The following SLC30A6 variants were observed in gnomAD, a reference collection of about 807,000 sequenced individuals.
The protein encoded by SLC30A6 is solute carrier family 30 member 6.
Under a neutral mutation model 63.0 loss-of-function variants are expected in SLC30A6, and 55 were observed. That is an observed-to-expected ratio of 0.87 (90% confidence interval 0.70 to 1.09). The LOEUF (loss-of-function observed/expected upper bound fraction) is 1.09, where lower values mean the gene tolerates loss of function less well. Ranked by LOEUF, SLC30A6 falls within the 50% of genes least tolerant of loss-of-function variation. The pLI is 0.00. For missense variants in SLC30A6, 587 were observed against 549.2 expected, an observed-to-expected ratio of 1.07 and a Z score of -0.69; for synonymous variants, 224 against 186.1, an observed-to-expected ratio of 1.20 and a Z score of -1.66.
chr2:32,175,409 G>T (rs1228816596), intron 4 of SLC30A6, 48 bp downstream of exon 4: 1 of 1,535,288 alleles, frequency 6.5e-7, no homozygotes, highest in Non-Finnish European at 8.9e-7. Flanking sequence ...AAGGAACTTG[G>T]TAGAAATGTG....
chr2:32,212,390 C>G (rs997780059), intron 13 of SLC30A6, among the ~76,000 whole-genome samples: 1 of 151,784 alleles, frequency 6.6e-6, no homozygotes, highest in African/African-American at 2.4e-5. Context: ...TCTTACATAA[C>G]TTTGTGTGGG....
At chr2:32,190,563 G>A (rs1683239565) in intron 5 of SLC30A6, among the ~76,000 whole-genome samples, 1 of 151,948 alleles carries the variant, frequency 6.6e-6, no homozygotes, top group Non-Finnish European at 1.5e-5. Context: ...AAGACACTTT[G>A]TTCTGTTATC....
At chr2:32,171,925 C>G (rs537862299) in intron 2 of SLC30A6, among the ~76,000 whole-genome samples, 18 of 152,148 alleles carry the variant, frequency 1.2e-4, no homozygotes, top group Non-Finnish European at 1.5e-5. Flanking sequence ...AACTCCCGAC[C>G]TCAGGTGATC....
At chr2:32,210,319 T>C (rs897486670) in intron 13 of SLC30A6, among the ~76,000 whole-genome samples, 29 of 152,030 alleles carry the variant, frequency 1.9e-4, no homozygotes, top group African/African-American at 6.8e-4. Flanking sequence ...TGAGACCAAC[T>C]TGGCTAACAT....
At chr2:32,180,941 AGCTATCGCTAC>A in intron 4 of SLC30A6, among the ~76,000 whole-genome samples, 1 of 152,234 alleles carries the variant, frequency 6.6e-6, no homozygotes, top group African/African-American at 2.4e-5. Context: ...CATATGAGTT[AGCTATCGCTAC>A]ATAACGTTTC....
Position 32,204,589 on chromosome 2 carries a change from G to T in SLC30A6, c.666-1G>T. On this transcript the variant is annotated splice_acceptor_variant, in intron 10 of 13. Transcript: ENST00000282587. LOFTEE classifies it high-confidence loss of function. ...AATTTAGAATTGTTTTTTCCTTTTA[G>T]TAATTATTTTGCCGTAGACACTGCC... 6.2e-7 allele frequency: 1 copy of T among 1,603,676 alleles called. No individual in the cohort carries two copies. The highest frequency in any genetic ancestry group is 8.5e-7 in the Non-Finnish European group (1 of 1,172,564).
rs572401218 is a variant in SLC30A6 at position 32,195,701 on chromosome 2, T to TA, written c.497-1643_497-1642insA. 2.3e-3 allele frequency among the ~76,000 whole-genome samples: 349 copies of TA among 149,090 alleles called. 1 individual carries two copies. The highest frequency in any genetic ancestry group is 7.6e-3 in the African/African-American group (313 of 41,058). On this transcript the variant is annotated intron_variant, in intron 8 of 13. Coordinates refer to ENST00000282587, the MANE Select transcript of SLC30A6 (RefSeq NM_017964.5). ...ATATTTTTATTATATTATATTATAT[T>TA]TATTTATTTATTTATTTTTTAATAG...
At chr2:32,192,975 A>C in intron 7 of SLC30A6, 22 bp downstream of exon 7, 3 of 1,405,136 alleles carry the variant, frequency 2.1e-6, no homozygotes, top group Non-Finnish European at 2.9e-6. Context: ...TTTTCAATAT[A>C]TAATTTACTA....
intron 10 of SLC30A6, chr2:32,201,656 G>T (rs1479603258): frequency 2.6e-6 from 4 of 1,511,424 alleles, no homozygotes; most frequent in Non-Finnish European, 3.6e-6. Flanking sequence ...CCTTGGAGGA[G>T]TCCGAGAGCC....
At chr2:32,209,929 T>TA (rs1032626187) in intron 13 of SLC30A6, among the ~76,000 whole-genome samples, 3 of 152,222 alleles carry the variant, frequency 2.0e-5, no homozygotes, top group Non-Finnish European at 2.9e-5. Flanking sequence ...AAGAAAATGT[T>TA]AAAAAAAATT....
At chr2:32,183,405 G>A (rs1682516284) in intron 4 of SLC30A6, among the ~76,000 whole-genome samples, 1 of 152,060 alleles carries the variant, frequency 6.6e-6, no homozygotes, top group African/African-American at 2.4e-5. Context: ...TTTCGGCCAG[G>A]CGCGGTGGCT....
chr2:32,189,394 C>T (rs1206259577), intron 5 of SLC30A6, among the ~76,000 whole-genome samples: 1 of 150,338 alleles, frequency 6.7e-6, no homozygotes, highest in Non-Finnish European at 1.5e-5. Flanking sequence ...CGGATTTAAG[C>T]GATTCTTGTG....
chr2:32,220,373 A>G lies in SLC30A6; in HGVS notation c.1046A>G (p.Asn349Ser), dbSNP rs746794566. 15 of 1,614,206 alleles carry G rather than the reference A, an allele frequency of 9.3e-6. No individual in the cohort carries two copies. Among genetic ancestry groups the G allele is most frequent in the Middle Eastern group, 1.6e-4 (1 of 6,062 alleles). The change falls in exon 14 of 14, where the codon AAT becomes AGT. Residue 349 changes from asparagine (N) to serine (S), a missense_variant. By Grantham distance (46) the Asn-to-Ser change is conservative (BLOSUM62 1). Coordinates refer to ENST00000282587, the MANE Select transcript of SLC30A6 (RefSeq NM_017964.5). Reference protein sequence around the residue: ...PALLSGPVAANVLNFSDHHVI... With the variant: ...PALLSGPVAASVLNFSDHHVI... The stretch of plus-strand genomic sequence containing the variant: ...TTATTGTCTGGGCCTGTTGCAGCCA[A>G]TGTCCTAAACTTTTCAGATCATCAC...
Position 32,193,878 on chromosome 2 carries a change from G to A in SLC30A6, c.402-11G>A. 6.2e-7 allele frequency: 1 copy of A among 1,603,444 alleles called. No individual in the cohort carries two copies. The highest frequency in any genetic ancestry group is 8.5e-7 in the Non-Finnish European group (1 of 1,171,340). ...CAAATTAAAGGTGAATGTTATCGTT[G>A]TTCTTTTTAGGGGAAGATTATTAGT... On this transcript the variant is annotated splice_polypyrimidine_tract_variant and intron_variant, in intron 7 of 13. Coordinates refer to ENST00000282587, the MANE Select transcript of SLC30A6 (RefSeq NM_017964.5).
Position 32,193,988 on chromosome 2 carries a change from G to GT in SLC30A6, c.496+11dup, listed in dbSNP as rs1558399862. On this transcript the variant is annotated splice_donor_region_variant and intron_variant, in intron 8 of 13. Transcript: ENST00000282587. ...CTTTTGCTTATGTCTCAGAAGGTAT[G>GT]TTTTTTATTTACTATTAATTTAAAA... 3.1e-6 allele frequency: 5 copies of GT among 1,601,428 alleles called. No individual in the cohort carries two copies. Among genetic ancestry groups the GT allele is most frequent in the Middle Eastern group, 1.7e-4 (1 of 6,000 alleles).
chr2:32,202,950 G>C (rs1373515989), intron 10 of SLC30A6: 8 of 1,139,610 alleles, frequency 7.0e-6, no homozygotes, highest in Non-Finnish European at 4.0e-6. Context: ...TGTCCTTCAA[G>C]TCTACAGTGG....
chr2:32,216,330 G>A (rs1006011506), intron 13 of SLC30A6, among the ~76,000 whole-genome samples: 24 of 152,250 alleles, frequency 1.6e-4, no homozygotes, highest in African/African-American at 5.5e-4. Flanking sequence ...GAGGTCAGGA[G>A]TTCAAGACCA....
intron 13 of SLC30A6, among the ~76,000 whole-genome samples, chr2:32,214,729 A>C (rs559502219): frequency 6.6e-6 from 1 of 152,342 alleles, no homozygotes; most frequent in African/African-American, 2.4e-5. Context: ...TTAATATCAC[A>C]AAAGCCATAG....
At chr2:32,189,723 C>T (rs1683162431) in intron 5 of SLC30A6, among the ~76,000 whole-genome samples, 1 of 149,834 alleles carries the variant, frequency 6.7e-6, no homozygotes, top group Non-Finnish European at 1.5e-5. Context: ...GCTCTCCTGC[C>T]TCAGCCTCCT....
Sources: gnomAD v4.1 joint callset for allele counts (sites outside exome capture counted in the v4.1 genomes callset) on GRCh38, gnomAD v4.1.1 for gene constraint, MANE v1.5 for transcripts, NCBI Gene and HGNC (gene_info 2026-07-23, HGNC 2026-07-21) for gene names.